The following SIMC1 variants were observed in gnomAD, a reference collection of about 807,000 sequenced individuals.
SIMC1 encodes SUMO interacting motifs containing 1, also known as SUMO-interacting motif-containing protein 1.
In SIMC1, 55 loss-of-function variants were observed where a neutral mutation model predicts 82.3. The ratio of observed to expected loss-of-function variants is 0.67; its 90% CI spans 0.54 to 0.84. The LOEUF (loss-of-function observed/expected upper bound fraction) is 0.84. Ranked by LOEUF, SIMC1 falls within the 40% of genes least tolerant of loss-of-function variation. The probability of loss-of-function intolerance (pLI) is 0.00; values close to 1 mark genes in which losing one functional copy is unlikely to be tolerated. For missense variants in SIMC1, 915 were observed against 1,107.2 expected (o/e 0.83, Z 2.46); for synonymous variants, 353 against 426.3 (o/e 0.83, Z 2.12).
intron 7 of SIMC1, among the ~76,000 whole-genome samples, chr5:176,328,914 C>CTTTTAT (rs1333299143): frequency 6.6e-6 from 1 of 151,906 alleles, no homozygotes; most frequent in Non-Finnish European, 1.5e-5. Context: ...TTTTTTTAAC[C>CTTTTAT]TTTTATTTTT....
intron 4 of SIMC1, among the ~76,000 whole-genome samples, chr5:176,310,873 CAAAAAATAAAAAT>C (rs1764635510): frequency 6.6e-6 from 1 of 151,016 alleles, no homozygotes; most frequent in South Asian, 2.1e-4. Context: ...GTCTAGATAG[CAAAAAATAAAAAT>C]AAAAAATAAA....
At chr5:176,339,441 A>G (rs777056352) in intron 9 of SIMC1, among the ~76,000 whole-genome samples, 1 of 152,156 alleles carries the variant, frequency 6.6e-6, no homozygotes, top group Non-Finnish European at 1.5e-5. Context: ...AGCACCCTCA[A>G]AGAAAGGTGC....
intron 1 of SIMC1, among the ~76,000 whole-genome samples, chr5:176,247,918 G>A (rs1365684688): frequency 1.3e-5 from 2 of 151,980 alleles, no homozygotes; most frequent in Non-Finnish European, 2.9e-5. Flanking sequence ...GATGGTTGTA[G>A]ATGTGTGGCA....
At chr5:176,280,122 G>C (rs1286113224) in intron 1 of SIMC1, among the ~76,000 whole-genome samples, 1 of 152,060 alleles carries the variant, frequency 6.6e-6, no homozygotes, top group African/African-American at 2.4e-5. Context: ...TCTCTTTGTA[G>C]GTCACTCAGG....
chr5:176,259,469 C>T (rs1183792575), intron 1 of SIMC1, among the ~76,000 whole-genome samples: 1 of 151,846 alleles, frequency 6.6e-6, no homozygotes, highest in Non-Finnish European at 1.5e-5. Flanking sequence ...AAATTATAAA[C>T]ATTATTTTTA....
intron 7 of SIMC1, among the ~76,000 whole-genome samples, chr5:176,335,024 G>A (rs1447908143): frequency 6.6e-6 from 1 of 151,762 alleles, no homozygotes; most frequent in Non-Finnish European, 1.5e-5. Flanking sequence ...CCGGGGGGTG[G>A]GGGTGGAGGT....
In SIMC1 at chr5:176,290,665, C is replaced by G. The variant is rs71599489; in HGVS notation, c.1141C>G (p.Arg381Gly). 6.2e-7 allele frequency: 1 copy of G among 1,614,032 alleles called. No homozygotes were observed. Among genetic ancestry groups the G allele is most frequent in the Non-Finnish European group, 8.5e-7 (1 of 1,179,904 alleles). Reference protein sequence around the residue: ...PDFTQNDVQNRDMPMDISALS... With the variant: ...PDFTQNDVQNGDMPMDISALS... ...CTTTACCCAGAATGATGTACAGAAC[C>G]GTGACATGCCTATGGATATCTCAGC... is the stretch of plus-strand genomic sequence containing the variant. Residue 381 changes from arginine (R) to glycine (G), a missense_variant, in exon 2 of 10, where the codon CGT becomes GGT. By Grantham distance (125) the Arg-to-Gly change is moderately radical. Coordinates refer to ENST00000429602, the MANE Select transcript of SIMC1 (RefSeq NM_001308195.2).
In SIMC1 at chr5:176,290,160, A is replaced by G. The variant is rs2560199; in HGVS notation, c.636A>G (p.Val212=). 12 of 1,610,572 alleles carry G rather than the reference A, an allele frequency of 7.5e-6. No individual in the cohort carries two copies. The East Asian group carries it at 2.0e-4, about 27-fold the overall frequency. ...CCTTGCCATGCCCACAGCAAGATGT[A>G]TCTCGCCCACCACAGGCCTTGCCGT... ...KAPLPCPQQD[V]SRPPQALPCP... The change falls in exon 2 of 10, where the codon GTA becomes GTG. Residue 212 remains valine, a synonymous_variant. Coordinates refer to ENST00000429602, the MANE Select transcript of SIMC1 (RefSeq NM_001308195.2).
Position 176,324,777 on chromosome 5 carries a change from G to C in SIMC1, c.2171+20G>C, listed in dbSNP as rs1186978475. ...CCAGAGGTGAGTCTTGATTTTGTTG[G>C]GGAGAGCAGTTATTTAAAAAAAAAA... On this transcript the variant is annotated intron_variant, in intron 7 of 9. Coordinates refer to ENST00000429602, the MANE Select transcript of SIMC1 (RefSeq NM_001308195.2). 1 of 1,539,758 alleles carries C rather than the reference G, an allele frequency of 6.5e-7. No individual in the cohort carries two copies. Among genetic ancestry groups the C allele is most frequent in the Non-Finnish European group, 8.7e-7 (1 of 1,148,338 alleles).
rs556593888 is a variant in SIMC1 at position 176,266,008 on chromosome 5, A to G, written c.130-23646A>G. On this transcript the variant is annotated intron_variant, in intron 1 of 9. Transcript: ENST00000429602. ...TGTACAGTGTGCTATGGAACCATCAAAGAGGGGAGCAACTGACTCTCTCCA... is the reference window on the plus strand; with the variant it reads ...TGTACAGTGTGCTATGGAACCATCAGAGAGGGGAGCAACTGACTCTCTCCA... Among the ~76,000 whole-genome samples, 14 of 152,296 alleles carry G rather than the reference A, an allele frequency of 9.2e-5. 3 individuals are homozygous for G. The highest frequency in any genetic ancestry group is 3.4e-4 in the African/African-American group (14 of 41,558).
intron 1 of SIMC1, among the ~76,000 whole-genome samples, chr5:176,286,731 C>T (rs1427405115): frequency 2.6e-5 from 4 of 152,176 alleles, no homozygotes; most frequent in Non-Finnish European, 5.9e-5. Flanking sequence ...GCAATCTGCC[C>T]ATCTGACAAA....
chr5:176,272,861 C>A (rs1300303591), intron 1 of SIMC1, among the ~76,000 whole-genome samples: 4 of 152,222 alleles, frequency 2.6e-5, no homozygotes, highest in Non-Finnish European at 5.9e-5. Flanking sequence ...TGAGATTGAA[C>A]TGCAAGGTGC....
rs759430149 is a variant in SIMC1, at chr5:176,290,524, G to A, written c.1000G>A (p.Gly334Ser). 16 of 1,613,794 alleles carry A rather than the reference G, an allele frequency of 9.9e-6. No homozygotes were observed. The East Asian group carries it at 3.6e-4, about 36-fold the overall frequency. Reference sequence around the variant, plus strand: ...ACCAGATGCACCACAGTCACCAGGGGGCATGCCACACTTACCGGGAGATGT... The same window carrying A: ...ACCAGATGCACCACAGTCACCAGGGAGCATGCCACACTTACCGGGAGATGT... ...PSPDAPQSPGGMPHLPGDVLH... is the reference protein window; with the variant it reads ...PSPDAPQSPGSMPHLPGDVLH... The change falls in exon 2 of 10, where the codon GGC becomes AGC. Residue 334 changes from glycine (G) to serine (S), a missense_variant. Coordinates refer to ENST00000429602, the MANE Select transcript of SIMC1 (RefSeq NM_001308195.2).
In SIMC1 at chr5:176,296,426, G is replaced by A. The variant is rs969752684; in HGVS notation, c.1734+106G>A. The A allele has an allele frequency of 1.1e-5, 18 of 1,571,280 alleles. No homozygotes were observed. The African/African-American group carries it at 1.8e-4, about 15-fold the overall frequency. On this transcript the variant is annotated intron_variant, in intron 4 of 9. Coordinates refer to ENST00000429602, the MANE Select transcript of SIMC1 (RefSeq NM_001308195.2). The stretch of plus-strand genomic sequence containing the variant: ...CACCTGTAATCCCAGCATTTTGGGA[G>A]GCCGAGGCAGGAGGACAGTTTGAGC...
At chr5:176,296,544 C>T in intron 4 of SIMC1, 2 of 534,636 alleles carry the variant, frequency 3.7e-6, no homozygotes, top group Non-Finnish European at 3.4e-6. Flanking sequence ...TGATGCATGC[C>T]TGTGGTCCCA....
intron 7 of SIMC1, among the ~76,000 whole-genome samples, chr5:176,335,187 G>A (rs1765836691): frequency 6.6e-6 from 1 of 150,472 alleles, no homozygotes; most frequent in African/African-American, 2.4e-5. Context: ...ATTTCCTCTG[G>A]TTTTATCATT....
At chr5:176,256,551 A>G (rs1402299293) in intron 1 of SIMC1, among the ~76,000 whole-genome samples, 1 of 152,272 alleles carries the variant, frequency 6.6e-6, no homozygotes, top group African/African-American at 2.4e-5. Flanking sequence ...TTCTAAGATA[A>G]CAACAAATCT....
At chr5:176,313,621 G>A in intron 4 of SIMC1, 70 bp from the exon 5 acceptor site, 13 of 1,591,636 alleles carry the variant, frequency 8.2e-6, no homozygotes, top group Non-Finnish European at 1.1e-5. Flanking sequence ...TAGTATTTAT[G>A]AGAGCCCAAT....
chr5:176,282,655 C>T (rs2030095448), intron 1 of SIMC1, among the ~76,000 whole-genome samples: 1 of 152,206 alleles, frequency 6.6e-6, no homozygotes, highest in Admixed American at 6.5e-5. Context: ...TCGCCAGCAA[C>T]AGAGCAAAGC....
Sources: allele counts gnomAD v4.1 joint callset (sites outside exome capture counted in the v4.1 genomes callset), GRCh38; gene constraint gnomAD v4.1.1; transcripts MANE v1.5; gene names NCBI Gene and HGNC (gene_info 2026-07-23, HGNC 2026-07-21).